Variants in ACAD11 observed in about 807,000 individuals in gnomAD.
ACAD11 encodes acyl-CoA dehydrogenase family member 11, also known as acyl-Coenzyme A dehydrogenase family, member 11.
In ACAD11, 83 loss-of-function variants were observed where a neutral mutation model predicts 102.2. The observed-to-expected ratio is 0.81, with a 90% confidence interval of 0.68 to 0.97. The LOEUF (loss-of-function observed/expected upper bound fraction) is 0.97. Among genes scored for constraint, ACAD11 ranks in the 50% least tolerant of loss-of-function variants. The pLI is 0.00. For synonymous variants in ACAD11, 324 were observed against 319.8 expected, an observed-to-expected ratio of 1.01 and a Z score of -0.14; for missense variants, 901 against 951.7, an observed-to-expected ratio of 0.95 and a Z score of 0.70.
rs530957547 is a variant in ACAD11 at position 132,572,590 on chromosome 3, C to T, written c.2001+3182G>A. 5.3e-5 allele frequency among the ~76,000 whole-genome samples: 8 copies of T among 152,232 alleles called. No homozygotes were observed. The East Asian group carries it at 1.2e-3, about 22-fold the overall frequency. ...AGAAAGAGCCCAAATAGCCAAGGCA[C>T]TCCTAAACAAAAAGAACAAAGCTGG... On this transcript the variant is annotated intron_variant, in intron 17 of 19. Transcript: ENST00000264990.
chr3:132,609,500 A>T (rs1939016030), intron 11 of ACAD11, among the ~76,000 whole-genome samples: 1 of 152,208 alleles, frequency 6.6e-6, no homozygotes, highest in Non-Finnish European at 1.5e-5. Context: ...AATACTATAA[A>T]CACCCTATGC....
rs192704370 is a variant in ACAD11 at position 132,603,091 on chromosome 3, C to A, written c.1621+138G>T. On this transcript the variant is annotated intron_variant, in intron 13 of 19. Transcript: ENST00000264990. The stretch of plus-strand genomic sequence containing the variant: ...GTGCTGGGATTACAGGTGTTAGCCA[C>A]CGCACCTGGCCTACACATGCAGAAT... 8.9e-5 allele frequency: 65 copies of A among 727,918 alleles called. No individual in the cohort carries two copies. The East Asian group carries it at 1.7e-3, about 19-fold the overall frequency. 45.1% of individuals were successfully genotyped at this position (727,918 alleles called of 1,614,324 possible).
chr3:132,653,908 TTC>T (rs1362206615), intron 1 of ACAD11, among the ~76,000 whole-genome samples: 2 of 152,214 alleles, frequency 1.3e-5, no homozygotes, highest in Non-Finnish European at 2.9e-5. Context: ...TTTAAATATC[TTC>T]TTTTTGTCGA....
chr3:132,609,051 T>G (rs1225304675), intron 11 of ACAD11, among the ~76,000 whole-genome samples: 3 of 152,122 alleles, frequency 2.0e-5, no homozygotes, highest in Non-Finnish European at 4.4e-5. Flanking sequence ...ACTGGGTAAA[T>G]AATGAAATTA....
intron 17 of ACAD11, among the ~76,000 whole-genome samples, chr3:132,565,669 G>GA (rs1217554506): frequency 6.6e-6 from 1 of 152,190 alleles, no homozygotes; most frequent in Non-Finnish European, 1.5e-5. Context: ...CATGAAGGTG[G>GA]AACCTAGTGG....
intron 9 of ACAD11, among the ~76,000 whole-genome samples, chr3:132,622,958 A>T (rs1200770876): frequency 6.6e-6 from 1 of 152,206 alleles, no homozygotes; most frequent in South Asian, 2.1e-4. Flanking sequence ...TAATGTTACC[A>T]TTATGTTAAA....
intron 13 of ACAD11, among the ~76,000 whole-genome samples, chr3:132,581,424 C>T (rs979365664): frequency 1.3e-5 from 2 of 151,732 alleles, no homozygotes; most frequent in African/African-American, 4.8e-5. Flanking sequence ...ATAATGGATC[C>T]CAGGAAAGTA....
Position 132,659,734 on chromosome 3 carries a change from A to C in ACAD11, c.18T>G (p.Thr6=), listed in dbSNP as rs1247143105. 6.2e-7 allele frequency: 1 copy of C among 1,605,352 alleles called. No homozygotes were observed. Among genetic ancestry groups the C allele is most frequent in the Admixed American group, 1.7e-5 (1 of 58,800 alleles). Residue 6 remains threonine (T), a synonymous_variant, in exon 1 of 20, where the codon ACT becomes ACG. Coordinates refer to ENST00000264990, the MANE Select transcript of ACAD11 (RefSeq NM_032169.5). MKPGA[T]GESDLAEVLP... The stretch of plus-strand genomic sequence containing the variant: ...GCACTTCGGCCAAATCGGACTCGCC[A>C]GTAGCACCTGGCTTCATGATCACCC...
chr3:132,600,777 T>G, intron 13 of ACAD11: 1 of 1,614,032 alleles, frequency 6.2e-7, no homozygotes, highest in South Asian at 1.1e-5. Flanking sequence ...GTCTCTGGAA[T>G]GCAGTTTCTG....
At chr3:132,576,868 A>G in intron 16 of ACAD11, 76 bp downstream of exon 16, 1 of 1,084,974 alleles carries the variant, frequency 9.2e-7, no homozygotes, top group Non-Finnish European at 1.4e-6. Context: ...TAAATCTGGA[A>G]AGACTTATCT....
At chr3:132,559,552 C>A (rs747975343) in intron 19 of ACAD11, among the ~76,000 whole-genome samples, 2 of 152,050 alleles carry the variant, frequency 1.3e-5, no homozygotes, top group African/African-American at 4.8e-5. Context: ...TAGTCACTGA[C>A]ATGTCCTGCT....
At chr3:132,591,047 G>T (rs946732710) in intron 13 of ACAD11, among the ~76,000 whole-genome samples, 6 of 152,170 alleles carry the variant, frequency 3.9e-5, no homozygotes, top group African/African-American at 1.4e-4. Context: ...TGCTGTGATT[G>T]CCTTTGGTGT....
chr3:132,630,304 A>T (rs2107864300), intron 7 of ACAD11, 133 bp downstream of exon 7: 2 of 996,586 alleles, frequency 2.0e-6, no homozygotes, highest in Middle Eastern at 2.9e-4. Context: ...TATTTTACCT[A>T]TGTCTGATAC....
chr3:132,642,259 AG>A, intron 3 of ACAD11, 126 bp from the exon 4 acceptor site: 1 of 877,788 alleles, frequency 1.1e-6, no homozygotes. Context: ...GGAAAATAAA[AG>A]GATATGCCAA....
intron 11 of ACAD11, among the ~76,000 whole-genome samples, chr3:132,617,394 T>A (rs1428329697): frequency 2.0e-5 from 3 of 152,162 alleles, no homozygotes; most frequent in Non-Finnish European, 4.4e-5. Context: ...TTTTAAAAAA[T>A]TGGCCTCCTT....
chr3:132,559,793 C>T (rs766493596), intron 19 of ACAD11, 40 bp downstream of exon 19: 2 of 1,536,426 alleles, frequency 1.3e-6, no homozygotes, highest in Non-Finnish European at 1.8e-6. Context: ...TACCTCCACG[C>T]CTATCAAACG....
chr3:132,593,040 A>G (rs949830070), intron 13 of ACAD11, among the ~76,000 whole-genome samples: 2 of 151,990 alleles, frequency 1.3e-5, no homozygotes, highest in African/African-American at 4.8e-5. Context: ...TTGAAAATTA[A>G]AAAAAACCAA....
intron 1 of ACAD11, chr3:132,650,008 G>A (rs1940875986): frequency 6.6e-6 from 1 of 152,164 alleles, no homozygotes; most frequent in Admixed American, 6.5e-5. Context: ...CCCAGTGTTT[G>A]CCCATGGAAA....
chr3:132,608,547 G>A (rs1397824033), intron 11 of ACAD11, among the ~76,000 whole-genome samples: 6 of 152,028 alleles, frequency 3.9e-5, no homozygotes, highest in African/African-American at 1.4e-4. Flanking sequence ...AGACAAAGAA[G>A]GACATTACAT....
Sources: gnomAD v4.1 joint callset for allele counts (sites outside exome capture counted in the v4.1 genomes callset) on GRCh38, gnomAD v4.1.1 for gene constraint, MANE v1.5 for transcripts, NCBI Gene and HGNC (gene_info 2026-07-23, HGNC 2026-07-21) for gene names.